ORC3: variants seen among roughly 807,000 people sequenced by gnomAD.
ORC3 encodes the protein homolog of latheo, Drosophila.
A neutral mutation model predicts 100.7 loss-of-function variants in ORC3; 78 were observed. That is an observed-to-expected ratio of 0.77 (90% CI 0.65 to 0.94). The LOEUF (loss-of-function observed/expected upper bound fraction) is 0.94, where lower values mean the gene tolerates loss of function less well. ORC3 is among the 40% of genes least tolerant of loss of function. The pLI is 0.00. For synonymous variants in ORC3, 295 were observed against 289.3 expected, an observed-to-expected ratio of 1.02 and a Z score of -0.20; for missense variants, 789 against 823.9, an observed-to-expected ratio of 0.96 and a Z score of 0.52.
intron 17 of ORC3, among the ~76,000 whole-genome samples, chr6:87,663,869 T>G (rs1309458224): frequency 6.6e-6 from 1 of 152,154 alleles, no homozygotes; most frequent in Non-Finnish European, 1.5e-5. Flanking sequence ...CAATAAATAC[T>G]TAAGAAACAA....
At chr6:87,659,619 C>A (rs1426466222) in intron 16 of ORC3, among the ~76,000 whole-genome samples, 1 of 152,004 alleles carries the variant, frequency 6.6e-6, no homozygotes, top group Non-Finnish European at 1.5e-5. Context: ...CATTGGCTCA[C>A]GCCTGTAATC....
intron 2 of ORC3, among the ~76,000 whole-genome samples, chr6:87,595,944 T>C (rs961133813): frequency 3.9e-5 from 6 of 152,112 alleles, no homozygotes; most frequent in African/African-American, 1.4e-4. Context: ...TAAATGATCC[T>C]CCCACCTCAG....
At chr6:87,599,354 A>ATTTATTTAT (rs140590339) in intron 2 of ORC3, among the ~76,000 whole-genome samples, 196 of 145,164 alleles carry the variant, frequency 1.4e-3, no homozygotes, top group African/African-American at 4.6e-3. Flanking sequence ...TCTTTTTTTT[A>ATTTATTTAT]TTATTTATTT....
At chr6:87,605,770 T>G in intron 4 of ORC3, 147 bp from the exon 5 acceptor site, 1 of 478,716 alleles carries the variant, frequency 2.1e-6, no homozygotes, top group South Asian at 3.9e-5. Context: ...TGTTAATGGA[T>G]ATCATTTATA....
intron 18 of ORC3, 83 bp downstream of exon 18, chr6:87,664,942 G>T: frequency 1.3e-6 from 1 of 781,960 alleles, no homozygotes; most frequent in Non-Finnish European, 2.1e-6. Context: ...TACTTTTAGT[G>T]CTTTGGAATT....
chr6:87,653,374 A>G lies in ORC3; in HGVS notation c.1516+125A>G, dbSNP rs1487655946. On this transcript the variant is annotated intron_variant, in intron 14 of 19. Coordinates refer to ENST00000392844, the MANE Select transcript of ORC3 (RefSeq NM_012381.4). ...ATAAAGTAGTTCATGATCAGTCAGT[A>G]TGCCAAGCCTCATAGTATCACATTT... 5 of 761,968 alleles carry G rather than the reference A, an allele frequency of 6.6e-6. No individual in the cohort carries two copies. The African/African-American group carries it at 6.9e-5, about 11-fold the overall frequency. The allele number at this position is 761,968 out of a possible 1,614,324, so 47.2% of individuals were successfully genotyped here. A position where few individuals can be genotyped will look rare whatever the true frequency, so the allele number is the denominator to read the frequency against.
chr6:87,644,357 G>T (rs1287859443), intron 13 of ORC3, among the ~76,000 whole-genome samples: 8 of 46,792 alleles, frequency 1.7e-4, no homozygotes, highest in Non-Finnish European at 2.7e-4. Context: ...CTCCCAAAGT[G>T]CTGGGATTAC....
Position 87,650,041 on chromosome 6 carries a change from CACTT to C in ORC3, c.1383-3070_1383-3067del, listed in dbSNP as rs71734863. On this transcript the variant is annotated intron_variant, in intron 13 of 19. Transcript: ENST00000392844. ...TATGCATGCATATATATTTTTTATTCACTTACTTTTTTACACTCTCTTTTTTTTT... is the reference window on the plus strand; with the variant it reads ...TATGCATGCATATATATTTTTTATTCACTTTTTTACACTCTCTTTTTTTTT... Among the ~76,000 whole-genome samples, 617 of 145,242 alleles carry C rather than the reference CACTT, an allele frequency of 4.2e-3. 3 individuals carry two copies. Among genetic ancestry groups the C allele is most frequent in the African/African-American group, 0.015 (590 of 39,394 alleles).
chr6:87,660,417 T>C (rs1770093207), intron 16 of ORC3, among the ~76,000 whole-genome samples: 1 of 152,204 alleles, frequency 6.6e-6, no homozygotes, highest in African/African-American at 2.4e-5. Flanking sequence ...CACAGTCTCA[T>C]TCTCCTGACA....
chr6:87,657,866 C>T (rs1409629717), intron 15 of ORC3, 55 bp from the exon 16 acceptor site: 18 of 935,644 alleles, frequency 1.9e-5, no homozygotes, highest in South Asian at 2.7e-5. Context: ...AGAGCTCCCT[C>T]TGAGGGGTTT....
chr6:87,632,282 T>C (rs1330106982), intron 11 of ORC3, among the ~76,000 whole-genome samples: 1 of 152,216 alleles, frequency 6.6e-6, no homozygotes, highest in Non-Finnish European at 1.5e-5. Flanking sequence ...TGTTAATCAT[T>C]TGTGATGTTT....
chr6:87,623,766 C>T (rs1033491524), intron 11 of ORC3, among the ~76,000 whole-genome samples: 1 of 152,104 alleles, frequency 6.6e-6, no homozygotes, highest in Non-Finnish European at 1.5e-5. Context: ...TGCCTGTAGT[C>T]CCAGCTACTC....
At chr6:87,590,779 G>A (rs1329420964) in intron 1 of ORC3, among the ~76,000 whole-genome samples, 2 of 152,086 alleles carry the variant, frequency 1.3e-5, no homozygotes, top group Non-Finnish European at 2.9e-5. Flanking sequence ...TGTTTCTTCG[G>A]CCCAGAAGAT....
chr6:87,605,393 G>T (rs1039426074), intron 4 of ORC3, among the ~76,000 whole-genome samples: 1 of 152,254 alleles, frequency 6.6e-6, no homozygotes, highest in African/African-American at 2.4e-5. Context: ...GCTCACGCCT[G>T]TAATCCCAGC....
intron 11 of ORC3, among the ~76,000 whole-genome samples, chr6:87,632,159 A>T (rs1767474472): frequency 1.3e-5 from 2 of 152,146 alleles, no homozygotes; most frequent in African/African-American, 4.8e-5. Context: ...GCAAGACTCC[A>T]TCTCCAAAAA....
At chr6:87,627,319 G>A (rs1276417316) in intron 11 of ORC3, among the ~76,000 whole-genome samples, 3 of 111,864 alleles carry the variant, frequency 2.7e-5, no homozygotes, top group African/African-American at 1.2e-4. Flanking sequence ...TTTTTTTGAG[G>A]GGGTCTCGCT....
At chr6:87,671,928 C>T (rs1478686766), downstream of ORC3, among the ~76,000 whole-genome samples, 1 of 152,078 alleles carries the variant, frequency 6.6e-6, no homozygotes, top group Non-Finnish European at 1.5e-5. Flanking sequence ...AAGTTTAACC[C>T]GAAACTTGCG....
intron 2 of ORC3, among the ~76,000 whole-genome samples, chr6:87,599,506 T>C (rs2128246109): frequency 6.6e-6 from 1 of 152,142 alleles, no homozygotes; most frequent in Admixed American, 6.5e-5. Flanking sequence ...TACCTGGGAC[T>C]ACAGGTGTAT....
rs765511308 is a variant in ORC3 at position 87,612,266 on chromosome 6, T to C, written c.873+18T>C. 4 of 1,568,024 alleles carry C rather than the reference T, an allele frequency of 2.6e-6. No individual in the cohort carries two copies. Among genetic ancestry groups the C allele is most frequent in the Middle Eastern group, 3.4e-4 (2 of 5,848 alleles). On this transcript the variant is annotated intron_variant, in intron 8 of 19. Transcript: ENST00000392844. ...TCGATAAGGTAAAAAGAATAAGTTTTACCAGTGAAATAGGATGAAAAGAAA... is the reference window on the plus strand; with the variant it reads ...TCGATAAGGTAAAAAGAATAAGTTTCACCAGTGAAATAGGATGAAAAGAAA...
Sources: gnomAD v4.1 joint callset for allele counts (sites outside exome capture counted in the v4.1 genomes callset) on GRCh38, gnomAD v4.1.1 for gene constraint, MANE v1.5 for transcripts, NCBI Gene and HGNC (gene_info 2026-07-23, HGNC 2026-07-21) for gene names.